DLGAP1: variants seen among roughly 807,000 people sequenced by gnomAD.
The protein encoded by DLGAP1 is disks large-associated protein 1.
In DLGAP1, 11 loss-of-function variants were observed where a neutral mutation model predicts 90.8. The ratio of observed to expected loss-of-function variants is 0.12; its 90% CI spans 0.08 to 0.20. The LOEUF is 0.20. Ranked by LOEUF, DLGAP1 falls within the 10% of genes least tolerant of loss-of-function variation. The probability of loss-of-function intolerance (pLI) is 1.00; values close to 1 mark genes in which losing one functional copy is unlikely to be tolerated. For missense variants in DLGAP1, 1,050 were observed against 1,333.8 expected (o/e 0.79, Z 3.31); for synonymous variants, 558 against 540.7 (o/e 1.03, Z -0.44).
chr18:4,288,200 C>T (rs1473088024), intron 1 of DLGAP1, among the ~76,000 whole-genome samples: 4 of 152,154 alleles, frequency 2.6e-5, no homozygotes, highest in African/African-American at 4.8e-5. Context: ...TCTCCCAATG[C>T]TATCTTTTGC....
chr18:3,746,056 G>C (rs1055137331), intron 5 of DLGAP1, among the ~76,000 whole-genome samples: 4 of 152,120 alleles, frequency 2.6e-5, no homozygotes, highest in African/African-American at 9.7e-5. Context: ...CAAAGCAGTA[G>C]AATGAAATAA....
At chr18:3,813,910 G>A in intron 5 of DLGAP1, 149 bp downstream of exon 5, 1 of 727,700 alleles carries the variant, frequency 1.4e-6, no homozygotes. Flanking sequence ...CTGGGGTACG[G>A]ACGTCAGATC....
intron 1 of DLGAP1, among the ~76,000 whole-genome samples, chr18:4,343,186 A>G (rs1393564261): frequency 6.6e-6 from 1 of 151,948 alleles, no homozygotes; most frequent in Admixed American, 6.6e-5. Context: ...AGGCGCCTGT[A>G]GTCCCAGCTA....
At chr18:4,242,146 T>G (rs142251989) in intron 1 of DLGAP1, among the ~76,000 whole-genome samples, 52 of 152,240 alleles carry the variant, frequency 3.4e-4, no homozygotes, top group Non-Finnish European at 7.1e-4. Context: ...GATTCTGATT[T>G]TTTGTAGAAT....
intron 1 of DLGAP1, among the ~76,000 whole-genome samples, chr18:4,332,922 T>G (rs894072535): frequency 2.0e-5 from 3 of 151,982 alleles, no homozygotes; most frequent in African/African-American, 7.3e-5. Context: ...AGTTTAAAAC[T>G]AAACTCTTCT....
At chr18:3,745,139 A>G (rs2063214781) in intron 5 of DLGAP1, among the ~76,000 whole-genome samples, 1 of 152,226 alleles carries the variant, frequency 6.6e-6, no homozygotes. Context: ...GCAAATCGCT[A>G]AAGATAGAAA....
chr18:4,136,089 G>A (rs1598462428), intron 2 of DLGAP1, among the ~76,000 whole-genome samples: 1 of 150,684 alleles, frequency 6.6e-6, no homozygotes, highest in Non-Finnish European at 1.5e-5. Flanking sequence ...ATTGTTCAAT[G>A]TCCACCTATG....
intron 1 of DLGAP1, among the ~76,000 whole-genome samples, chr18:4,297,206 GTAAGGATTA>G (rs1323346933): frequency 6.6e-6 from 1 of 152,074 alleles, no homozygotes; most frequent in Non-Finnish European, 1.5e-5. Flanking sequence ...AGAGATTTAG[GTAAGGATTA>G]GCATCAAGGT....
intron 5 of DLGAP1, chr18:3,774,638 T>C (rs2064857521): frequency 1.3e-5 from 2 of 152,192 alleles, no homozygotes; most frequent in African/African-American, 4.8e-5. Context: ...ATTCGGTTAT[T>C]TGGCCTAACT....
chr18:3,944,513 G>T (rs748255873), intron 3 of DLGAP1, among the ~76,000 whole-genome samples: 7 of 151,538 alleles, frequency 4.6e-5, no homozygotes, highest in Admixed American at 6.6e-5. Flanking sequence ...AAAAAAAAAA[G>T]TGCAAGGTGA....
At chr18:3,971,940 C>T (rs1316779347) in intron 3 of DLGAP1, among the ~76,000 whole-genome samples, 2 of 152,058 alleles carry the variant, frequency 1.3e-5, no homozygotes, top group East Asian at 1.9e-4. Context: ...AGTGCTGGTC[C>T]AGTTGAGTAA....
chr18:3,580,006 G>A (rs907051706), intron 8 of DLGAP1, among the ~76,000 whole-genome samples: 16 of 152,180 alleles, frequency 1.1e-4, no homozygotes, highest in Non-Finnish European at 2.2e-4. Context: ...ATTCCTGCAA[G>A]TCCACTCTCT....
chr18:4,107,246 C>T (rs1188960398), intron 2 of DLGAP1, among the ~76,000 whole-genome samples: 1 of 152,188 alleles, frequency 6.6e-6, no homozygotes, highest in Non-Finnish European at 1.5e-5. Flanking sequence ...GAATGTGATT[C>T]ACAATTCAGC....
At chr18:3,662,108 A>T (rs368561279) in intron 7 of DLGAP1, among the ~76,000 whole-genome samples, 55 of 148,828 alleles carry the variant, frequency 3.7e-4, no homozygotes, top group Middle Eastern at 7.0e-3. Context: ...TAAAAAAAAA[A>T]TTTTTTTTAA....
chr18:4,031,130 C>T (rs1423952126), intron 2 of DLGAP1, among the ~76,000 whole-genome samples: 1 of 152,100 alleles, frequency 6.6e-6, no homozygotes, highest in Non-Finnish European at 1.5e-5. Context: ...AATCATTGGT[C>T]TGAATGACAA....
chr18:4,253,846 T>G (rs746750265), intron 1 of DLGAP1, among the ~76,000 whole-genome samples: 25 of 152,270 alleles, frequency 1.6e-4, no homozygotes, highest in Non-Finnish European at 3.4e-4. Flanking sequence ...GAGACTCAAT[T>G]CCACTGGAAT....
chr18:3,539,253 AT>A (rs1422986997), intron 9 of DLGAP1, among the ~76,000 whole-genome samples: 1 of 152,136 alleles, frequency 6.6e-6, no homozygotes, highest in Non-Finnish European at 1.5e-5. Context: ...TAATTTCTTT[AT>A]TTTTTGAAAG....
chr18:3,596,575 C>A, intron 7 of DLGAP1: 1 of 212,488 alleles, frequency 4.7e-6, no homozygotes, highest in Non-Finnish European at 9.5e-6. Flanking sequence ...TTTTTTCTGG[C>A]CAGACTGAGA....
intron 5 of DLGAP1, among the ~76,000 whole-genome samples, chr18:3,746,827 A>T (rs1309532290): frequency 2.6e-5 from 4 of 152,204 alleles, no homozygotes; most frequent in Non-Finnish European, 4.4e-5. Flanking sequence ...AATTGTAAAG[A>T]TATTCCCTAT....
Sources: gnomAD v4.1 joint callset for allele counts (sites outside exome capture counted in the v4.1 genomes callset) on GRCh38, gnomAD v4.1.1 for gene constraint, MANE v1.5 for transcripts, NCBI Gene and HGNC (gene_info 2026-07-23, HGNC 2026-07-21) for gene names.